Variants in NPC1L1 observed in about 807,000 individuals in gnomAD.
The protein encoded by NPC1L1 is NPC1 like intracellular cholesterol transporter 1, also known as NPC1-like intracellular cholesterol transporter 1.
A neutral mutation model predicts 117.0 loss-of-function variants in NPC1L1; 98 were observed. The observed-to-expected ratio is 0.84, with a 90% CI of 0.71 to 0.99. The LOEUF is 0.99. Ranked by LOEUF, NPC1L1 falls within the 50% of genes least tolerant of loss-of-function variation. The pLI, the probability that NPC1L1 is intolerant of heterozygous loss-of-function variation, is 0.00. For missense variants in NPC1L1, 1,540 were observed against 1,710.0 expected (o/e 0.90, Z 1.75); for synonymous variants, 729 against 727.6 (o/e 1.00, Z -0.03).
chr7:44,535,909 G>T lies in NPC1L1; in HGVS notation c.1914C>A (p.Thr638=), dbSNP rs1029880405. The T allele has an allele frequency of 1.2e-6, 2 of 1,613,462 alleles. No homozygotes were observed. Among genetic ancestry groups the T allele is most frequent in the Non-Finnish European group, 1.7e-6 (2 of 1,180,024 alleles). The change falls in exon 5 of 19, where the codon ACC becomes ACA. Residue 638 remains threonine, a synonymous_variant. Coordinates refer to ENST00000381160, the MANE Select transcript of NPC1L1 (RefSeq NM_001101648.2). ...TTAEDLPIFA[T]SYIVIFLYIS... ...TGTACAGGAATATGACAATGTAGCT[G>T]GTGGCAAAGATGGGCAGGTCTTCAG...
Position 44,513,183 on chromosome 7 carries a change from C to A in NPC1L1, c.*264G>T. ...AAACATGGAGTGTGTCTGTTCCTGC[C>A]AACTTCCAGACCCAGGCCCAGGAGG... On this transcript the variant is annotated 3_prime_UTR_variant, in exon 19 of 19. Coordinates refer to ENST00000381160, the MANE Select transcript of NPC1L1 (RefSeq NM_001101648.2). The A allele has an allele frequency of 1.9e-6, 1 of 524,830 alleles. No individual in the cohort carries two copies. The allele number at this position is 524,830 out of a possible 1,614,324, so 32.5% of individuals were successfully genotyped here.
chr7:44,521,120 T>C lies in NPC1L1; in HGVS notation c.2954-2A>G, dbSNP rs1801340905. The C allele has an allele frequency of 6.2e-7, 1 of 1,614,004 alleles. No individual in the cohort carries two copies. Among genetic ancestry groups the C allele is most frequent in the South Asian group, 1.1e-5 (1 of 91,074 alleles). On this transcript the variant is annotated splice_acceptor_variant, in intron 12 of 18. Coordinates refer to ENST00000381160, the MANE Select transcript of NPC1L1 (RefSeq NM_001101648.2). LOFTEE classifies it high-confidence loss of function. ...AGTTCTTTAGGCAGTTCAGAGAGTC[T>C]GCAGAGAAAGCAGGGGTCTGGGCAG...
intron 10 of NPC1L1, among the ~76,000 whole-genome samples, chr7:44,529,231 C>T (rs558197609): frequency 1.7e-4 from 26 of 151,468 alleles, no homozygotes; most frequent in Middle Eastern, 3.4e-3. Context: ...AACAGCAAAA[C>T]GTGATCTAAC....
intron 5 of NPC1L1, among the ~76,000 whole-genome samples, chr7:44,535,591 G>A (rs1347624295): frequency 6.6e-6 from 1 of 151,746 alleles, no homozygotes; most frequent in Non-Finnish European, 1.5e-5. Context: ...GAAAGAGAGG[G>A]TAGGAGGGAA....
chr7:44,536,214 C>G lies in NPC1L1; in HGVS notation c.1854+42G>C. The G allele has an allele frequency of 6.2e-7, 1 of 1,611,728 alleles. No homozygotes were observed. Among genetic ancestry groups the G allele is most frequent in the Non-Finnish European group, 8.5e-7 (1 of 1,179,470 alleles). On this transcript the variant is annotated intron_variant, in intron 4 of 18. Coordinates refer to ENST00000381160, the MANE Select transcript of NPC1L1 (RefSeq NM_001101648.2). The surrounding 1 kb of genome is among the most constrained non-coding windows in gnomAD (Gnocchi z 4.7). ...GGACACAGGAACTGACCCAAGACCA[C>G]CTGGGTTGCACCCCCAGAGCCAGGG... is the stretch of plus-strand genomic sequence containing the variant.
chr7:44,531,647 C>G, intron 10 of NPC1L1, 108 bp downstream of exon 10: 1 of 951,302 alleles, frequency 1.1e-6, no homozygotes, highest in Non-Finnish European at 1.6e-6. Flanking sequence ...CAATTCTGCA[C>G]CTCTGGCCAA....
At chr7:44,514,227 A>G (rs217432) in intron 18 of NPC1L1, among the ~76,000 whole-genome samples, 34,536 of 152,074 alleles carry the variant, frequency 0.23, 4,297 homozygotes, top group African/African-American at 0.28. Context: ...ATCTGGTGGG[A>G]GGTAAAATTG....
rs762540640 is a variant in NPC1L1 at position 44,539,926 on chromosome 7, C to T, written c.471G>A (p.Glu157=). 2.5e-6 allele frequency: 4 copies of T among 1,614,096 alleles called. No homozygotes were observed. Among genetic ancestry groups the T allele is most frequent in the Non-Finnish European group, 3.4e-6 (4 of 1,180,052 alleles). The change falls in exon 2 of 19, where the codon GAG becomes GAA. Residue 157 remains glutamate (E), a synonymous_variant. Transcript: ENST00000381160. The surrounding 1 kb of genome is among the most constrained non-coding windows in gnomAD (Gnocchi z 4.4). ...CGGCAAAGCTATGCTGGTAGAAGGC[C>T]TCATAGGCCACCACAGCTGGGAGTT... The part of the protein sequence containing the change: ...AGQLPAVVAY[E]AFYQHSFAEQ...
At chr7:44,520,202 C>A (rs531349525) in intron 14 of NPC1L1, among the ~76,000 whole-genome samples, 12 of 152,250 alleles carry the variant, frequency 7.9e-5, no homozygotes, top group African/African-American at 2.9e-4. Context: ...ATCGCTTGAA[C>A]CCGGAAAGTG....
Position 44,516,712 on chromosome 7 carries a change from G to T in NPC1L1, c.3510C>A (p.Asn1170Lys). Residue 1170 changes from asparagine (N) to lysine (K), a missense_variant, in exon 16 of 19, where the codon AAC becomes AAA. Around this residue, in one of 3 missense-constraint regions of NPC1L1, gnomAD observed 742 missense variants for 873.6 expected, o/e 0.85. Transcript: ENST00000381160. Reference sequence around the variant, plus strand: ...GTGTCTGCTGGGTTACCGAGACCAGGTTGATGAGGGACACAGCATTGTAAC... The same window carrying T: ...GTGTCTGCTGGGTTACCGAGACCAGTTTGATGAGGGACACAGCATTGTAAC... ...GISYNAVSLI[N>K]LVSAVGMSVE... 2 of 1,610,148 alleles carry T rather than the reference G, an allele frequency of 1.2e-6. No individual in the cohort carries two copies. The highest frequency in any genetic ancestry group is 1.7e-6 in the Non-Finnish European group (2 of 1,178,230).
rs1194748232 is a variant in NPC1L1, at chr7:44,541,292, G to C, written c.-33C>G. 1.9e-6 allele frequency: 3 copies of C among 1,547,414 alleles called. No individual in the cohort carries two copies. The highest frequency in any genetic ancestry group is 2.6e-6 in the Non-Finnish European group (3 of 1,145,384). ...CTGGGAAGGGGTCAGCGGGGAGCCA[G>C]GCCAGGCCTCAGGAACAGCCAAGGG... On this transcript the variant is annotated 5_prime_UTR_variant, in exon 1 of 19. Transcript: ENST00000381160.
intron 10 of NPC1L1, among the ~76,000 whole-genome samples, chr7:44,527,463 A>C (rs930865286): frequency 1.4e-5 from 2 of 138,574 alleles, no homozygotes. Context: ...CAACTTCTCA[A>C]AAAAAAAAAA....
At position 44,540,265 on chromosome 7, in the gene NPC1L1, C is replaced by T. The variant is rs367935749; in HGVS notation, c.132G>A (p.Glu44=). The change falls in exon 2 of 19, where the codon GAG becomes GAA. Residue 44 remains glutamate, a synonymous_variant. Coordinates refer to ENST00000381160, the MANE Select transcript of NPC1L1 (RefSeq NM_001101648.2). ...AGAGTGTCATGAGGCTTCCAGACAG[C>T]TCTGGGTTCTTCCCACATTCGTCAT... ...AFYDECGKNP[E]LSGSLMTLSN... 35 of 1,613,932 alleles carry T rather than the reference C, an allele frequency of 2.2e-5. No homozygotes were observed. The highest frequency in any genetic ancestry group is 2.9e-5 in the Non-Finnish European group (34 of 1,180,040).
chr7:44,533,928 CA>C, intron 6 of NPC1L1, 75 bp from the exon 7 acceptor site: 1 of 1,277,008 alleles, frequency 7.8e-7, no homozygotes, highest in Non-Finnish European at 1.1e-6. Context: ...AGGGAGTTGG[CA>C]AGTGCCCAGA....
chr7:44,529,782 T>A (rs977591158), intron 10 of NPC1L1, among the ~76,000 whole-genome samples: 1 of 151,420 alleles, frequency 6.6e-6, no homozygotes, highest in Non-Finnish European at 1.5e-5. Flanking sequence ...ATGCCTGTAA[T>A]CCCAGCACTT....
At position 44,535,091 on chromosome 7, in the gene NPC1L1, A is replaced by C. The variant is rs187071930; in HGVS notation, c.1984-462T>G. On this transcript the variant is annotated intron_variant, in intron 5 of 18. Transcript: ENST00000381160. ...CTACAAAAACTACAAAACAAAAAAA[A>C]TGGCCGGACGTGGTAGCTCACGCAT... Among the ~76,000 whole-genome samples the C allele has an allele frequency of 6.6e-5, 10 of 152,108 alleles. No homozygotes were observed. The East Asian group carries it at 1.9e-3, about 29-fold the overall frequency.
At chr7:44,521,233 G>A (rs770579265) in intron 12 of NPC1L1, 115 bp from the exon 13 acceptor site, 24 of 1,386,112 alleles carry the variant, frequency 1.7e-5, no homozygotes, top group Non-Finnish European at 2.4e-5. Flanking sequence ...GCCTCAACCA[G>A]TCGCTTCTAG....
Position 44,541,198 on chromosome 7 carries a change from G to C in NPC1L1, c.54+8C>G. 1 of 1,549,652 alleles carries C rather than the reference G, an allele frequency of 6.5e-7. No homozygotes were observed. Among genetic ancestry groups the C allele is most frequent in the Non-Finnish European group, 8.7e-7 (1 of 1,146,806 alleles). On this transcript the variant is annotated splice_region_variant and intron_variant, in intron 1 of 18. Coordinates refer to ENST00000381160, the MANE Select transcript of NPC1L1 (RefSeq NM_001101648.2). ...GCAGGGGAGGTGGAGCCAAGCCCTG[G>C]GACTCACCAAGCGCAGGAGCAGGGC...
chr7:44,524,738 T>G (rs1801458190), intron 10 of NPC1L1, among the ~76,000 whole-genome samples: 1 of 151,988 alleles, frequency 6.6e-6, no homozygotes, highest in South Asian at 2.1e-4. Flanking sequence ...AGCAAGACTC[T>G]GTCTCAAAAA....
Sources: gnomAD v4.1 joint callset for allele counts (sites outside exome capture counted in the v4.1 genomes callset) on GRCh38, gnomAD v4.1.1 for gene constraint, gnomAD v4.1.1 regional missense constraint, Gnocchi (gnomAD v3.1) non-coding constraint, MANE v1.5 for transcripts, NCBI Gene and HGNC (gene_info 2026-07-23, HGNC 2026-07-21) for gene names.